Variants in NXPH2 observed in about 807,000 individuals in gnomAD.
NXPH2 encodes the protein neurexophilin-2.
In NXPH2, 5 loss-of-function variants were observed where a neutral mutation model predicts 19.8. That is an observed-to-expected ratio of 0.25 (90% CI 0.13 to 0.53). The LOEUF (loss-of-function observed/expected upper bound fraction) is 0.53. Among genes scored for constraint, NXPH2 ranks in the 20% least tolerant of loss-of-function variants. The pLI is 0.96. For synonymous variants in NXPH2, 154 were observed against 127.4 expected, an observed-to-expected ratio of 1.21 and a Z score of -1.41; for missense variants, 289 against 322.8, an observed-to-expected ratio of 0.90 and a Z score of 0.80.
intron 1 of NXPH2, among the ~76,000 whole-genome samples, chr2:138,778,019 T>G (rs1442393212): frequency 3.3e-5 from 5 of 152,128 alleles, no homozygotes; most frequent in African/African-American, 4.8e-5. Flanking sequence ...GCCATCCAAA[T>G]GAGCAAATCA....
chr2:138,713,345 C>G (rs1263540969), intron 1 of NXPH2, among the ~76,000 whole-genome samples: 1 of 152,088 alleles, frequency 6.6e-6, no homozygotes, highest in Non-Finnish European at 1.5e-5. Context: ...GACCTTTGTA[C>G]GTTGGGAGTG....
At chr2:138,726,204 A>C (rs1432930298) in intron 1 of NXPH2, among the ~76,000 whole-genome samples, 3 of 151,772 alleles carry the variant, frequency 2.0e-5, no homozygotes, top group African/African-American at 7.3e-5. Flanking sequence ...CACCGTGCCC[A>C]ACTAATTTTT....
At chr2:138,713,150 A>G (rs1198543832) in intron 1 of NXPH2, among the ~76,000 whole-genome samples, 6 of 152,216 alleles carry the variant, frequency 3.9e-5, no homozygotes. Flanking sequence ...TTGAAAGGCC[A>G]TTCAGGATCT....
At chr2:138,767,567 T>C (rs1682110945) in intron 1 of NXPH2, among the ~76,000 whole-genome samples, 1 of 152,234 alleles carries the variant, frequency 6.6e-6, no homozygotes, top group African/African-American at 2.4e-5. Context: ...TTCTCTATTT[T>C]TTTCCTCTTC....
chr2:138,754,186 A>T (rs969765463), intron 1 of NXPH2, among the ~76,000 whole-genome samples: 11 of 152,046 alleles, frequency 7.2e-5, no homozygotes, highest in Admixed American at 2.0e-4. Flanking sequence ...CAGCCTCTTT[A>T]TTGATTTTTT....
chr2:138,755,669 T>C (rs1002276624), intron 1 of NXPH2, among the ~76,000 whole-genome samples: 1 of 152,162 alleles, frequency 6.6e-6, no homozygotes, highest in African/African-American at 2.4e-5. Flanking sequence ...TTGGACTTTC[T>C]ATAAAAATTT....
chr2:138,777,338 A>G (rs1682279037), intron 1 of NXPH2, among the ~76,000 whole-genome samples: 1 of 152,174 alleles, frequency 6.6e-6, no homozygotes, highest in African/African-American at 2.4e-5. Context: ...TTTTTAAAAA[A>G]GGAATATGTT....
At chr2:138,706,058 A>C (rs1170015391) in intron 1 of NXPH2, among the ~76,000 whole-genome samples, 2 of 152,194 alleles carry the variant, frequency 1.3e-5, no homozygotes, top group African/African-American at 2.4e-5. Context: ...TCTGCTCTGT[A>C]TGTGTTTACA....
chr2:138,690,733 C>T (rs1259896819), intron 1 of NXPH2, among the ~76,000 whole-genome samples: 1 of 152,220 alleles, frequency 6.6e-6, no homozygotes, highest in Non-Finnish European at 1.5e-5. Context: ...GGGACACCCC[C>T]ATATTTCAGG....
At chr2:138,680,607 C>A (rs79530330) in intron 1 of NXPH2, among the ~76,000 whole-genome samples, 22,261 of 151,658 alleles carry the variant, frequency 0.15, 1,787 homozygotes, top group Middle Eastern at 0.28. Context: ...CTCTCTCTCT[C>A]TATATATATA....
intron 1 of NXPH2, among the ~76,000 whole-genome samples, chr2:138,716,025 T>G (rs1212971164): frequency 6.6e-6 from 1 of 152,206 alleles, no homozygotes; most frequent in Non-Finnish European, 1.5e-5. Flanking sequence ...TTTGTCCTTG[T>G]TGACTTTGTA....
chr2:138,690,448 G>A (rs567491645), intron 1 of NXPH2, among the ~76,000 whole-genome samples: 2 of 152,046 alleles, frequency 1.3e-5, no homozygotes, highest in South Asian at 2.1e-4. Flanking sequence ...TCCATTGCAC[G>A]GATAATAGAA....
chr2:138,774,290 G>A (rs79634600), intron 1 of NXPH2, among the ~76,000 whole-genome samples: 6,247 of 152,196 alleles, frequency 0.041, 156 homozygotes, highest in South Asian at 0.065. Flanking sequence ...CTGATTATAT[G>A]TTAAATAAGT....
At chr2:138,729,628 G>T (rs2104998788) in intron 1 of NXPH2, among the ~76,000 whole-genome samples, 1 of 152,282 alleles carries the variant, frequency 6.6e-6, no homozygotes, top group Non-Finnish European at 1.5e-5. Context: ...TGGCCAAAAT[G>T]TTCTCAAATC....
At chr2:138,696,609 T>G (rs1020984818) in intron 1 of NXPH2, among the ~76,000 whole-genome samples, 33 of 152,174 alleles carry the variant, frequency 2.2e-4, no homozygotes, top group African/African-American at 7.7e-4. Context: ...CAAATGGTGG[T>G]GAAGACATAG....
chr2:138,678,706 T>G (rs1680524256), intron 1 of NXPH2, among the ~76,000 whole-genome samples: 1 of 152,236 alleles, frequency 6.6e-6, no homozygotes, highest in Non-Finnish European at 1.5e-5. Flanking sequence ...GTACCCACTT[T>G]GATAGTTGAT....
intron 1 of NXPH2, among the ~76,000 whole-genome samples, chr2:138,709,720 C>G (rs1285691291): frequency 6.6e-6 from 1 of 152,142 alleles, no homozygotes; most frequent in Non-Finnish European, 1.5e-5. Flanking sequence ...TTACTGTCTC[C>G]CTAGTTTTAC....
At chr2:138,681,936 C>T (rs1444320793) in intron 1 of NXPH2, among the ~76,000 whole-genome samples, 1 of 152,000 alleles carries the variant, frequency 6.6e-6, no homozygotes, top group African/African-American at 2.4e-5. Context: ...AGCCAAGAAC[C>T]CCAAAGTGAC....
At chr2:138,723,022 A>G (rs1287689238) in intron 1 of NXPH2, among the ~76,000 whole-genome samples, 1 of 152,222 alleles carries the variant, frequency 6.6e-6, no homozygotes. Context: ...AAGGTTAAGT[A>G]CCACATTATT....
Sources: allele counts gnomAD v4.1 joint callset (sites outside exome capture counted in the v4.1 genomes callset), GRCh38; gene constraint gnomAD v4.1.1; transcripts MANE v1.5; gene names NCBI Gene and HGNC (gene_info 2026-07-23, HGNC 2026-07-21).